Variants in GPR158 observed in about 807,000 individuals in gnomAD.
GPR158 encodes the protein G protein-coupled receptor 158.
Under a neutral mutation model 78.2 loss-of-function variants are expected in GPR158, and 30 were observed. The observed-to-expected ratio is 0.38, with a 90% CI of 0.29 to 0.52. The LOEUF (loss-of-function observed/expected upper bound fraction) is 0.52, where lower values mean the gene tolerates loss of function less well. Ranked by LOEUF, GPR158 falls within the 20% of genes least tolerant of loss-of-function variation. GPR158 has a pLI of 0.83. For missense variants in GPR158, 1,463 were observed against 1,523.5 expected (o/e 0.96, Z 0.66); for synonymous variants, 581 against 591.1 (o/e 0.98, Z 0.25).
chr10:25,566,480 T>C lies in GPR158; in HGVS notation c.1515-6169T>C, dbSNP rs1045944478. The stretch of plus-strand genomic sequence containing the variant: ...CATCTAAGATTCTACTTTAATAGTC[T>C]TGCAGCCCTTCTTTCCTTCCTTCCT... On this transcript the variant is annotated intron_variant, in intron 6 of 10. Transcript: ENST00000376351. Among the ~76,000 whole-genome samples the C allele has an allele frequency of 3.3e-5, 5 of 152,178 alleles. No individual in the cohort carries two copies. In the South Asian group the frequency reaches 6.2e-4, roughly 19 times the overall value.
intron 4 of GPR158, among the ~76,000 whole-genome samples, chr10:25,449,539 GGTTA>G (rs1835186390): frequency 6.6e-6 from 1 of 152,170 alleles, no homozygotes; most frequent in Non-Finnish European, 1.5e-5. Flanking sequence ...CACCCAATGT[GGTTA>G]GTTCAGAAAA....
At chr10:25,246,725 A>G (rs768489545) in intron 2 of GPR158, among the ~76,000 whole-genome samples, 1 of 152,224 alleles carries the variant, frequency 6.6e-6, no homozygotes, top group African/African-American at 2.4e-5. Context: ...AAAGCAATTA[A>G]TAATGACTCC....
At chr10:25,474,645 T>C (rs1449167219) in intron 5 of GPR158, among the ~76,000 whole-genome samples, 2 of 152,188 alleles carry the variant, frequency 1.3e-5, no homozygotes, top group Non-Finnish European at 2.9e-5. Flanking sequence ...TGCACAGATA[T>C]TAAATTCTGT....
At chr10:25,496,359 G>A (rs1333328569) in intron 5 of GPR158, among the ~76,000 whole-genome samples, 1 of 152,158 alleles carries the variant, frequency 6.6e-6, no homozygotes, top group Non-Finnish European at 1.5e-5. Flanking sequence ...GAGAGACACT[G>A]TGCAGATATG....
intron 7 of GPR158, among the ~76,000 whole-genome samples, chr10:25,584,318 C>T (rs1024252519): frequency 2.1e-4 from 32 of 152,116 alleles, no homozygotes; most frequent in Admixed American, 1.8e-3. Flanking sequence ...GTTAATTATA[C>T]GAAACTGATT....
At chr10:25,207,120 G>C (rs1244814299) in intron 1 of GPR158, among the ~76,000 whole-genome samples, 3 of 152,028 alleles carry the variant, frequency 2.0e-5, no homozygotes, top group South Asian at 2.1e-4. Flanking sequence ...CTCTTTGTCT[G>C]GGGGGAGACA....
chr10:25,431,815 C>T (rs1168270604), intron 4 of GPR158, among the ~76,000 whole-genome samples: 6 of 151,972 alleles, frequency 3.9e-5, no homozygotes, highest in African/African-American at 1.2e-4. Flanking sequence ...ATGATGAGAA[C>T]ACATGGACAC....
chr10:25,282,711 T>G (rs1854294157), intron 2 of GPR158, among the ~76,000 whole-genome samples: 1 of 152,104 alleles, frequency 6.6e-6, no homozygotes. Context: ...GTATTTCCCT[T>G]ATGACTAATA....
Position 25,450,113 on chromosome 10 carries a change from A to G in GPR158, c.1336-16538A>G, listed in dbSNP as rs1835193974. Reference sequence around the variant, plus strand: ...AACCACCTTCATTGTGTGAAAAGTCAATGAAACTTAGACCTGAGGACTAAG... The same window carrying G: ...AACCACCTTCATTGTGTGAAAAGTCGATGAAACTTAGACCTGAGGACTAAG... On this transcript the variant is annotated intron_variant, in intron 4 of 10. Transcript: ENST00000376351. Among the ~76,000 whole-genome samples, 3 of 152,160 alleles carry G rather than the reference A, an allele frequency of 2.0e-5. No individual in the cohort carries two copies. In the South Asian group the frequency reaches 6.2e-4, roughly 31 times the overall value.
At chr10:25,520,756 G>A (rs1836252340) in intron 5 of GPR158, among the ~76,000 whole-genome samples, 1 of 152,194 alleles carries the variant, frequency 6.6e-6, no homozygotes, top group Admixed American at 6.5e-5. Flanking sequence ...TGCGTGCTGG[G>A]AGAACCACTG....
intron 5 of GPR158, among the ~76,000 whole-genome samples, chr10:25,528,276 G>T (rs1836376759): frequency 6.6e-6 from 1 of 151,636 alleles, no homozygotes; most frequent in African/African-American, 2.4e-5. Context: ...TATGAACATA[G>T]AATTAAAATT....
intron 1 of GPR158, among the ~76,000 whole-genome samples, chr10:25,190,321 A>T (rs988457971): frequency 6.6e-6 from 1 of 151,974 alleles, no homozygotes; most frequent in Non-Finnish European, 1.5e-5. Context: ...GTTATATTAC[A>T]TAGACATTGT....
chr10:25,389,657 C>T (rs546205525), intron 2 of GPR158, among the ~76,000 whole-genome samples: 71 of 152,258 alleles, frequency 4.7e-4, no homozygotes, highest in African/African-American at 1.6e-3. Flanking sequence ...GGCTGAAACA[C>T]GCCCCTTGCA....
Position 25,412,308 on chromosome 10 carries a change from T to C in GPR158, c.1170T>C (p.Tyr390=). ...CAAAAGATGTGTCAGAAGAAGCCTA[T>C]GTCTGCCTACCTTGCAGGGAGGGCT... The part of the protein sequence containing the change: ...GSTKDVSEEA[Y]VCLPCREGCP... The change falls in exon 4 of 11, where the codon TAT becomes TAC. Residue 390 remains tyrosine (Y), a synonymous_variant. Transcript: ENST00000376351. 1 of 1,614,168 alleles carries C rather than the reference T, an allele frequency of 6.2e-7. No individual in the cohort carries two copies. Among genetic ancestry groups the C allele is most frequent in the Non-Finnish European group, 8.5e-7 (1 of 1,179,970 alleles).
In GPR158 at chr10:25,316,742, A is replaced by T. The variant is rs531564704; in HGVS notation, c.1009-79169A>T. 1.1e-4 allele frequency among the ~76,000 whole-genome samples: 17 copies of T among 152,294 alleles called. No homozygotes were observed. The East Asian group carries it at 3.3e-3, about 29-fold the overall frequency. On this transcript the variant is annotated intron_variant, in intron 2 of 10. Transcript: ENST00000376351. ...TTGGTGTGTTTTTCTCTAAAATTTA[A>T]AATATCAAAGAAAATCACATACCAT...
At chr10:25,216,022 CCAATAA>C (rs1853207906) in intron 1 of GPR158, among the ~76,000 whole-genome samples, 1 of 152,194 alleles carries the variant, frequency 6.6e-6, no homozygotes, top group Non-Finnish European at 1.5e-5. Context: ...GTTCCTGCCT[CCAATAA>C]CATTTTCTTC....
chr10:25,348,751 C>T (rs1050174848), intron 2 of GPR158, among the ~76,000 whole-genome samples: 3 of 151,966 alleles, frequency 2.0e-5, no homozygotes, highest in African/African-American at 4.8e-5. Flanking sequence ...GATTATCCTA[C>T]ATTTCAAGTT....
intron 2 of GPR158, among the ~76,000 whole-genome samples, chr10:25,334,672 G>A (rs1395675589): frequency 6.6e-6 from 1 of 151,932 alleles, no homozygotes; most frequent in African/African-American, 2.4e-5. Flanking sequence ...CTCACTTCAG[G>A]CATTTAATGT....
intron 1 of GPR158, among the ~76,000 whole-genome samples, chr10:25,198,311 C>T (rs1852870603): frequency 6.6e-6 from 1 of 152,180 alleles, no homozygotes; most frequent in Admixed American, 6.5e-5. Flanking sequence ...AGAAGCCAGA[C>T]AGATGGAAGA....
Sources: gnomAD v4.1 joint callset for allele counts (sites outside exome capture counted in the v4.1 genomes callset) on GRCh38, gnomAD v4.1.1 for gene constraint, MANE v1.5 for transcripts, NCBI Gene and HGNC (gene_info 2026-07-23, HGNC 2026-07-21) for gene names.